EPG5: variants seen among roughly 807,000 people sequenced by gnomAD.
The protein encoded by EPG5 is ectopic P granules protein 5 homolog.
In EPG5, 159 loss-of-function variants were observed where a neutral mutation model predicts 302.7. That is an observed-to-expected ratio of 0.53 (90% CI 0.46 to 0.60). EPG5 has a LOEUF of 0.60. EPG5 is among the 20% of genes least tolerant of loss of function. The probability of loss-of-function intolerance (pLI) is 0.00; values close to 1 mark genes in which losing one functional copy is unlikely to be tolerated. For missense variants in EPG5, 2,896 were observed against 3,092.4 expected (o/e 0.94, Z 1.51); for synonymous variants, 1,158 against 1,136.8 (o/e 1.02, Z -0.37).
At chr18:45,828,062 CTCT>C in the EPG5 span, among the ~76,000 whole-genome samples, 6 of 152,200 alleles carry the variant, frequency 3.9e-5, no homozygotes, top group Admixed American at 6.5e-5. Flanking sequence ...CTTCTGGCTG[CTCT>C]TCTTCTGGGA....
At chr18:45,881,974 A>T (rs1482058493) in intron 31 of EPG5, among the ~76,000 whole-genome samples, 1 of 152,132 alleles carries the variant, frequency 6.6e-6, no homozygotes, top group Non-Finnish European at 1.5e-5. Context: ...TTCCCACCCC[A>T]CTTCAAGACA....
At chr18:45,855,280 G>A (rs1396441199) in intron 43 of EPG5, 5 of 233,564 alleles carry the variant, frequency 2.1e-5, no homozygotes, top group African/African-American at 4.5e-5. Flanking sequence ...GCCCAAGCAT[G>A]TGGTAGATAA....
chr18:45,917,667 G>C lies in EPG5; in HGVS notation c.3239+12C>G. On this transcript the variant is annotated intron_variant, in intron 17 of 43. Transcript: ENST00000282041. ...TTAAGAGTGTCTCCTGCCATAGATG[G>C]AACACACTTACTGCTCATTCTTCAG... The C allele has an allele frequency of 1.2e-6, 2 of 1,613,782 alleles. No homozygotes were observed. Among genetic ancestry groups the C allele is most frequent in the Non-Finnish European group, 1.7e-6 (2 of 1,179,772 alleles).
At chr18:45,862,541 C>T (rs2048657787) in intron 39 of EPG5, among the ~76,000 whole-genome samples, 1 of 152,140 alleles carries the variant, frequency 6.6e-6, no homozygotes, top group Non-Finnish European at 1.5e-5. Context: ...TAGCACCATC[C>T]TCTTGGTGCT....
Position 45,876,481 on chromosome 18 carries a change from T to A in EPG5, c.5943-139A>T, listed in dbSNP as rs1026721952. On this transcript the variant is annotated intron_variant, in intron 34 of 43. Coordinates refer to ENST00000282041, the MANE Select transcript of EPG5 (RefSeq NM_020964.3). ...CACACATTTAGAATACTTAAAAGGC[T>A]GTAAATAACTGCAGGCGAATTGTAG... The A allele has an allele frequency of 1.0e-5, 6 of 602,270 alleles. 1 individual carries two copies. The Admixed American group carries it at 1.7e-4, about 17-fold the overall frequency. The allele number at this position is 602,270 out of a possible 1,614,324, so 37.3% of individuals were successfully genotyped here. A position where few individuals can be genotyped will look rare whatever the true frequency, so the allele number is the denominator to read the frequency against.
At chr18:45,912,606 A>G in intron 21 of EPG5, 150 bp from the exon 22 acceptor site, 1 of 817,282 alleles carries the variant, frequency 1.2e-6, no homozygotes, top group Non-Finnish European at 1.9e-6. Context: ...CACTTCTCCA[A>G]TCCACTAGTT....
At chr18:45,934,120 C>T (rs1016646445) in intron 11 of EPG5, among the ~76,000 whole-genome samples, 2 of 151,914 alleles carry the variant, frequency 1.3e-5, no homozygotes, top group African/African-American at 4.8e-5. Flanking sequence ...GAAACCATGT[C>T]TCTACTAAAA....
At chr18:45,876,125 C>A in intron 35 of EPG5, 111 bp downstream of exon 35, 2 of 702,580 alleles carry the variant, frequency 2.8e-6, no homozygotes. Context: ...TTTCTTCAGT[C>A]ACAAATAACT....
intron 19 of EPG5, 143 bp downstream of exon 19, chr18:45,915,866 C>T (rs1172660435): frequency 9.7e-6 from 8 of 825,716 alleles, no homozygotes; most frequent in Admixed American, 5.7e-5. Context: ...CTACGATTAT[C>T]GGGATAAGGT....
In EPG5 at chr18:45,967,222, C is replaced by A; in HGVS notation, c.18G>T (p.Lys6Asn). ...CCTTGGCCTTGGCCCGGCGCTGGGG[C>A]TTCACCGCCTCGGCCATAGACCCTT... MAEAVKPQRRAKAKAS... is the reference protein window; with the variant it reads MAEAVNPQRRAKAKAS... Residue 6 changes from lysine to asparagine, a missense_variant, in exon 1 of 44, where the codon AAG becomes AAT. By Grantham distance (94) the Lys-to-Asn change is moderately conservative. This residue lies in a region of EPG5 where 1,390 missense variants were observed against 1,430.0 expected (regional missense o/e 0.97). Coordinates refer to ENST00000282041, the MANE Select transcript of EPG5 (RefSeq NM_020964.3). The A allele has an allele frequency of 3.1e-6, 5 of 1,604,586 alleles. No individual in the cohort carries two copies. The highest frequency in any genetic ancestry group is 4.3e-6 in the Non-Finnish European group (5 of 1,175,822).
intron 10 of EPG5, among the ~76,000 whole-genome samples, chr18:45,938,345 C>T (rs2050583707): frequency 6.6e-6 from 1 of 151,816 alleles, no homozygotes; most frequent in Non-Finnish European, 1.5e-5. Context: ...GCCTGTAATC[C>T]CAGCTACTTG....
the EPG5 span, chr18:45,825,636 G>T: frequency 1.4e-4 from 191 of 1,343,436 alleles, no homozygotes; most frequent in African/African-American, 2.2e-3. Context: ...GCCCACCCCC[G>T]CCCGCCTTCC....
intron 1 of EPG5, among the ~76,000 whole-genome samples, chr18:45,962,250 A>T (rs2051165380): frequency 6.6e-6 from 1 of 152,242 alleles, no homozygotes; most frequent in South Asian, 2.1e-4. Context: ...AGAGGTGGAA[A>T]TCAATCATTT....
At position 45,944,035 on chromosome 18, in the gene EPG5, A is replaced by C; in HGVS notation, c.1762T>G (p.Phe588Val). 1 of 1,613,596 alleles carries C rather than the reference A, an allele frequency of 6.2e-7. No individual in the cohort carries two copies. The highest frequency in any genetic ancestry group is 8.5e-7 in the Non-Finnish European group (1 of 1,179,456). The change falls in exon 8 of 44, where the codon TTT (phenylalanine) becomes GTT (valine). Residue 588 changes from phenylalanine to valine, a missense_variant. Coordinates refer to ENST00000282041, the MANE Select transcript of EPG5 (RefSeq NM_020964.3). ...ILAQFPFHELFQHLLGFKAKG... is the reference protein window; with the variant it reads ...ILAQFPFHELVQHLLGFKAKG... ...GCTTTAAACCCAAGAAGATGCTGAA[A>C]GAGTTCATGAAAGGGGAACTGTGCT...
At chr18:45,928,736 G>T in intron 13 of EPG5, 133 bp downstream of exon 13, 1 of 756,688 alleles carries the variant, frequency 1.3e-6, no homozygotes, top group Non-Finnish European at 2.0e-6. Flanking sequence ...GGCTGGCACA[G>T]TAAATGTTAG....
At chr18:45,815,869 A>G in the EPG5 span, among the ~76,000 whole-genome samples, 2 of 152,242 alleles carry the variant, frequency 1.3e-5, no homozygotes, top group African/African-American at 4.8e-5. Context: ...TAGAAGCATC[A>G]CATTACCTGA....
intron 25 of EPG5, 139 bp downstream of exon 25, chr18:45,903,834 A>G: frequency 1.2e-6 from 1 of 826,394 alleles, no homozygotes; most frequent in Non-Finnish European, 1.8e-6. Context: ...CCATTGTGTA[A>G]GTCAACTGAA....
intron 30 of EPG5, among the ~76,000 whole-genome samples, chr18:45,884,216 T>C (rs2049167710): frequency 1.3e-5 from 2 of 152,132 alleles, no homozygotes; most frequent in South Asian, 2.1e-4. Context: ...AGATCACCCA[T>C]GGCATTAGAG....
the EPG5 span, among the ~76,000 whole-genome samples, chr18:45,813,671 A>C: frequency 1.3e-5 from 2 of 152,064 alleles, no homozygotes; most frequent in South Asian, 4.2e-4. Flanking sequence ...AAGGACAAAA[A>C]ACCAAACACT....
Sources: allele counts gnomAD v4.1 joint callset (sites outside exome capture counted in the v4.1 genomes callset), GRCh38; gene constraint gnomAD v4.1.1; regional missense constraint gnomAD v4.1.1; transcripts MANE v1.5; gene names NCBI Gene and HGNC (gene_info 2026-07-23, HGNC 2026-07-21).